MAPKAP1: variants seen among roughly 807,000 people sequenced by gnomAD.
MAPKAP1 encodes the protein target of rapamycin complex 2 subunit MAPKAP1.
In MAPKAP1, 20 loss-of-function variants were observed where a neutral mutation model predicts 65.7. The observed-to-expected ratio is 0.30, with a 90% CI of 0.21 to 0.44. The LOEUF is 0.44. Ranked by LOEUF, MAPKAP1 falls within the 20% of genes least tolerant of loss-of-function variation. MAPKAP1 has a pLI of 1.00. For missense variants in MAPKAP1, 423 were observed against 648.0 expected (o/e 0.65, Z 3.77); for synonymous variants, 222 against 244.3 (o/e 0.91, Z 0.85).
chr9:125,516,747 T>C (rs558630361), intron 7 of MAPKAP1, among the ~76,000 whole-genome samples: 1 of 152,360 alleles, frequency 6.6e-6, no homozygotes, highest in East Asian at 1.9e-4. Flanking sequence ...GTTATGCGAC[T>C]CTGGGCAAGT....
intron 4 of MAPKAP1, among the ~76,000 whole-genome samples, chr9:125,627,547 AC>A: frequency 6.6e-6 from 1 of 152,198 alleles, no homozygotes; most frequent in Non-Finnish European, 1.5e-5. Flanking sequence ...AACCACTGGA[AC>A]CGGAACACAT....
intron 5 of MAPKAP1, among the ~76,000 whole-genome samples, chr9:125,572,670 C>T (rs746837858): frequency 6.6e-6 from 1 of 152,168 alleles, no homozygotes; most frequent in Non-Finnish European, 1.5e-5. Flanking sequence ...AAATCTGGAT[C>T]AGTATTCTAA....
At chr9:125,492,723 GC>G (rs914545755) in intron 8 of MAPKAP1, among the ~76,000 whole-genome samples, 11 of 152,130 alleles carry the variant, frequency 7.2e-5, no homozygotes, top group African/African-American at 9.7e-5. Context: ...AGTCTAAAAG[GC>G]CCCAATCTAG....
intron 1 of MAPKAP1, among the ~76,000 whole-genome samples, chr9:125,695,153 G>A (rs1483607689): frequency 6.6e-6 from 1 of 152,148 alleles, no homozygotes; most frequent in African/African-American, 2.4e-5. Flanking sequence ...TTAATCCAGT[G>A]ATCAAAGCTT....
rs183857651 is a variant in MAPKAP1, at chr9:125,506,550, T to C, written c.959-133A>G. On this transcript the variant is annotated intron_variant, in intron 7 of 11. Coordinates refer to ENST00000265960, the MANE Select transcript of MAPKAP1 (RefSeq NM_001006617.3). ...TTAAAGTCTGTCTTGAGGGTCTAGC[T>C]ATCCAGGATGGAAGTTTGGGGTTTC... 5.4e-4 allele frequency: 381 copies of C among 706,350 alleles called. 3 individuals are homozygous for C. The African/African-American group carries it at 6.3e-3, about 12-fold the overall frequency. The allele number at this position is 706,350 out of a possible 1,614,324, so 43.8% of individuals were successfully genotyped here.
intron 4 of MAPKAP1, among the ~76,000 whole-genome samples, chr9:125,618,842 T>G (rs766268504): frequency 1.3e-5 from 2 of 152,212 alleles, no homozygotes; most frequent in African/African-American, 4.8e-5. Context: ...TTATGAAAAT[T>G]TGTCTTAGGC....
intron 5 of MAPKAP1, among the ~76,000 whole-genome samples, chr9:125,562,810 T>C (rs1198825050): frequency 2.0e-5 from 3 of 152,156 alleles, no homozygotes; most frequent in African/African-American, 4.8e-5. Flanking sequence ...TGAGCCTCAA[T>C]AGGATTAGGT....
intron 9 of MAPKAP1, among the ~76,000 whole-genome samples, chr9:125,479,816 G>A (rs971944512): frequency 2.0e-5 from 3 of 152,098 alleles, no homozygotes; most frequent in Middle Eastern, 3.2e-3. Flanking sequence ...GAATCAGCAG[G>A]GATGCTGGGC....
In MAPKAP1 at chr9:125,642,154, A is replaced by T. The variant is rs556042720; in HGVS notation, c.498+15497T>A. 2.0e-5 allele frequency among the ~76,000 whole-genome samples: 3 copies of T among 152,122 alleles called. No individual in the cohort carries two copies. The East Asian group carries it at 5.8e-4, about 29-fold the overall frequency. On this transcript the variant is annotated intron_variant, in intron 4 of 11. Coordinates refer to ENST00000265960, the MANE Select transcript of MAPKAP1 (RefSeq NM_001006617.3). ...CAGGAAGTCAAGGCTGTAGTAAGCC[A>T]AGATCACATCCCTGCACTCCAGCCT...
At chr9:125,695,584 T>C (rs1835358277) in intron 1 of MAPKAP1, among the ~76,000 whole-genome samples, 1 of 152,246 alleles carries the variant, frequency 6.6e-6, no homozygotes, top group South Asian at 2.1e-4. Flanking sequence ...TATGCTCAAA[T>C]ACTTCGGTAA....
chr9:125,521,866 G>A (rs1458588671), intron 7 of MAPKAP1: 6 of 1,061,952 alleles, frequency 5.6e-6, no homozygotes, highest in South Asian at 1.4e-5. Context: ...TCAGTGGAGA[G>A]CAAGCTTAGA....
chr9:125,505,785 C>T (rs913571647), intron 8 of MAPKAP1, among the ~76,000 whole-genome samples: 1 of 152,174 alleles, frequency 6.6e-6, no homozygotes, highest in Non-Finnish European at 1.5e-5. Context: ...CATCACTTGC[C>T]CTTGTGTCAG....
At chr9:125,627,843 G>A (rs762221169) in intron 4 of MAPKAP1, among the ~76,000 whole-genome samples, 6 of 151,906 alleles carry the variant, frequency 3.9e-5, no homozygotes, top group Non-Finnish European at 8.8e-5. Context: ...TTCATAGGCT[G>A]TTGGAGCCAG....
At chr9:125,684,329 T>C (rs895245292) in intron 1 of MAPKAP1, among the ~76,000 whole-genome samples, 4 of 152,132 alleles carry the variant, frequency 2.6e-5, no homozygotes, top group African/African-American at 4.8e-5. Flanking sequence ...TGGCTGCTAT[T>C]AGTAGCCAGT....
chr9:125,679,221 C>T lies in MAPKAP1; in HGVS notation c.-69-6578G>A, dbSNP rs183821115. ...TTCACTATGTTGGCCAGGCTGGTCT[C>T]GAACTCCTAACCTCAGGTGATCCCC... On this transcript the variant is annotated intron_variant, in intron 1 of 11. Coordinates refer to ENST00000265960, the MANE Select transcript of MAPKAP1 (RefSeq NM_001006617.3). 1.0e-3 allele frequency among the ~76,000 whole-genome samples: 159 copies of T among 152,184 alleles called. 1 individual carries two copies. Among genetic ancestry groups the T allele is most frequent in the African/African-American group, 3.6e-3 (148 of 41,504 alleles).
chr9:125,706,556 G>T (rs1383585902), intron 1 of MAPKAP1, among the ~76,000 whole-genome samples: 1 of 152,012 alleles, frequency 6.6e-6, no homozygotes, highest in Non-Finnish European at 1.5e-5. Context: ...ACTGTAGCTA[G>T]AAAAAAGTCT....
At chr9:125,528,611 G>C (rs552940297) in intron 7 of MAPKAP1, among the ~76,000 whole-genome samples, 6 of 152,276 alleles carry the variant, frequency 3.9e-5, no homozygotes, top group African/African-American at 1.4e-4. Context: ...CACTTTGGGA[G>C]GCCGAGGCAG....
intron 4 of MAPKAP1, among the ~76,000 whole-genome samples, chr9:125,599,171 T>A (rs990102468): frequency 3.9e-5 from 6 of 152,248 alleles, no homozygotes; most frequent in Non-Finnish European, 7.4e-5. Context: ...TAAAAAAAAA[T>A]ATTGCTGTTC....
chr9:125,688,132 T>C (rs1318446623), intron 1 of MAPKAP1, among the ~76,000 whole-genome samples: 2 of 152,138 alleles, frequency 1.3e-5, no homozygotes, highest in East Asian at 3.8e-4. Context: ...TTCTAGACTA[T>C]CTCATTTTTT....
Sources: allele counts gnomAD v4.1 joint callset (sites outside exome capture counted in the v4.1 genomes callset), GRCh38; gene constraint gnomAD v4.1.1; transcripts MANE v1.5; gene names NCBI Gene and HGNC (gene_info 2026-07-23, HGNC 2026-07-21).